The following CDH12 variants were observed in gnomAD, a reference collection of about 807,000 sequenced individuals.
CDH12 encodes the protein cadherin-12.
Under a neutral mutation model 74.1 loss-of-function variants are expected in CDH12, and 41 were observed. The ratio of observed to expected loss-of-function variants is 0.55; its 90% CI spans 0.43 to 0.72. The LOEUF is 0.72. Ranked by LOEUF, CDH12 falls within the 30% of genes least tolerant of loss-of-function variation. CDH12 has a pLI of 0.00. For missense variants in CDH12, 945 were observed against 977.2 expected (o/e 0.97, Z 0.44); for synonymous variants, 399 against 355.0 (o/e 1.12, Z -1.39).
rs577453208 is a variant in CDH12, at chr5:22,594,651, G to A, written c.-522-89287C>T. Among the ~76,000 whole-genome samples, 3 of 152,246 alleles carry A rather than the reference G, an allele frequency of 2.0e-5. No homozygotes were observed. The East Asian group carries it at 5.8e-4, about 29-fold the overall frequency. On this transcript the variant is annotated intron_variant, in intron 1 of 14. Transcript: ENST00000382254. Reference sequence around the variant, plus strand: ...CAAGTCTCTACAAACAGCTGAACTAGCGCAAGAAGTAGCTGAAATGAGCAT... The same window carrying A: ...CAAGTCTCTACAAACAGCTGAACTAACGCAAGAAGTAGCTGAAATGAGCAT...
At chr5:22,589,487 T>G (rs145565522) in intron 1 of CDH12, among the ~76,000 whole-genome samples, 94 of 152,348 alleles carry the variant, frequency 6.2e-4, no homozygotes, top group Middle Eastern at 3.4e-3. Context: ...TTTCCTTTTT[T>G]GTTGAGAATT....
chr5:21,872,195 A>G (rs1751660044), intron 6 of CDH12, among the ~76,000 whole-genome samples: 1 of 152,142 alleles, frequency 6.6e-6, no homozygotes, highest in Non-Finnish European at 1.5e-5. Context: ...CAGCACATCT[A>G]ATGCTGTGAC....
Position 22,762,499 on chromosome 5 carries a change from G to T in CDH12, c.-523+90559C>A, listed in dbSNP as rs548504727. Among the ~76,000 whole-genome samples, 13 of 152,100 alleles carry T rather than the reference G, an allele frequency of 8.5e-5. No homozygotes were observed. The East Asian group carries it at 2.5e-3, about 29-fold the overall frequency. On this transcript the variant is annotated intron_variant, in intron 1 of 14. Transcript: ENST00000382254. ...GGCAAGTAATTCATTTTGTGTTAAT[G>T]ATTCTTATTTCTTGAATGGGGCAGA...
chr5:22,551,251 G>A (rs1738553502), intron 1 of CDH12, among the ~76,000 whole-genome samples: 1 of 152,186 alleles, frequency 6.6e-6, no homozygotes, highest in African/African-American at 2.4e-5. Context: ...AGGTGGCCAT[G>A]TGTAAACCAG....
intron 5 of CDH12, among the ~76,000 whole-genome samples, chr5:22,018,285 C>A (rs952500187): frequency 1.3e-5 from 2 of 152,098 alleles, no homozygotes; most frequent in African/African-American, 4.8e-5. Context: ...CATATGGGAG[C>A]TTACCATAAA....
chr5:22,038,888 A>G (rs934026213), intron 5 of CDH12, among the ~76,000 whole-genome samples: 1 of 152,146 alleles, frequency 6.6e-6, no homozygotes, highest in Non-Finnish European at 1.5e-5. Context: ...GCCCTCCGAT[A>G]CAGGCCAAAT....
At chr5:22,636,929 C>A (rs1738872213) in intron 1 of CDH12, among the ~76,000 whole-genome samples, 1 of 152,110 alleles carries the variant, frequency 6.6e-6, no homozygotes, top group Non-Finnish European at 1.5e-5. Flanking sequence ...GTTGGATGAA[C>A]AGGTCAGTAA....
intron 1 of CDH12, among the ~76,000 whole-genome samples, chr5:22,751,228 G>A (rs2127034565): frequency 6.6e-6 from 1 of 150,808 alleles, no homozygotes; most frequent in Non-Finnish European, 1.5e-5. Context: ...ATTTAAGATG[G>A]GACTTATCGC....
rs199959108 is a variant in CDH12 at position 22,222,256 on chromosome 5, G to GA, written c.-332-9614dup. Among the ~76,000 whole-genome samples, 641 of 152,002 alleles carry GA rather than the reference G, an allele frequency of 4.2e-3. 6 individuals are homozygous for GA. Among genetic ancestry groups the GA allele is most frequent in the African/African-American group, 0.015 (620 of 41,512 alleles). On this transcript the variant is annotated intron_variant, in intron 3 of 14. Coordinates refer to ENST00000382254, the MANE Select transcript of CDH12 (RefSeq NM_004061.5). ...TTCCAGATGCTTCTGCTCTGCTTAG[G>GA]AATATGAAAAGCTATCACAATTTAC... is the stretch of plus-strand genomic sequence containing the variant.
chr5:22,687,200 A>C (rs1741849433), intron 1 of CDH12, among the ~76,000 whole-genome samples: 1 of 152,304 alleles, frequency 6.6e-6, no homozygotes, highest in East Asian at 1.9e-4. Flanking sequence ...AGGTTGAGGC[A>C]GGAAAATCGT....
intron 5 of CDH12, among the ~76,000 whole-genome samples, chr5:22,030,896 A>G (rs1256316394): frequency 6.6e-6 from 1 of 152,162 alleles, no homozygotes; most frequent in Non-Finnish European, 1.5e-5. Flanking sequence ...TTGCACTTTT[A>G]TGTGATGGCG....
chr5:22,328,737 GA>G (rs1479045666), intron 3 of CDH12, among the ~76,000 whole-genome samples: 1 of 152,088 alleles, frequency 6.6e-6, no homozygotes, highest in African/African-American at 2.4e-5. Context: ...AAAAGAAAGT[GA>G]AAAAATATAA....
chr5:22,072,059 A>G (rs1741974784), intron 5 of CDH12, among the ~76,000 whole-genome samples: 1 of 152,132 alleles, frequency 6.6e-6, no homozygotes, highest in African/African-American at 2.4e-5. Context: ...TACTTCCTAC[A>G]CAAGCCTATT....
chr5:21,754,271 A>C, intron 14 of CDH12, among the ~76,000 whole-genome samples: 1 of 152,142 alleles, frequency 6.6e-6, no homozygotes, highest in East Asian at 1.9e-4. Context: ...TCTTGACATT[A>C]GTGACTCCAT....
chr5:21,995,056 C>T (rs1200336342), intron 5 of CDH12, among the ~76,000 whole-genome samples: 1 of 152,126 alleles, frequency 6.6e-6, no homozygotes, highest in Non-Finnish European at 1.5e-5. Context: ...TGCCGCTTCA[C>T]ACCTGAAGTT....
intron 4 of CDH12, among the ~76,000 whole-genome samples, chr5:22,153,050 G>A (rs879495405): frequency 6.6e-6 from 1 of 152,092 alleles, no homozygotes; most frequent in Non-Finnish European, 1.5e-5. Flanking sequence ...GAGCTATTGA[G>A]GACGATGCTC....
At chr5:22,322,578 C>G (rs1738931493) in intron 3 of CDH12, among the ~76,000 whole-genome samples, 1 of 152,116 alleles carries the variant, frequency 6.6e-6, no homozygotes, top group South Asian at 2.1e-4. Flanking sequence ...TGCTCTGAGA[C>G]ACTCATACAC....
intron 4 of CDH12, among the ~76,000 whole-genome samples, chr5:22,108,148 G>C (rs1442757895): frequency 6.6e-6 from 1 of 152,092 alleles, no homozygotes; most frequent in Non-Finnish European, 1.5e-5. Flanking sequence ...TGAATCATAG[G>C]GGCAATTTCC....
intron 11 of CDH12, among the ~76,000 whole-genome samples, chr5:21,768,830 A>G (rs941918715): frequency 6.6e-6 from 1 of 152,058 alleles, no homozygotes; most frequent in Non-Finnish European, 1.5e-5. Context: ...CACAAAAGCC[A>G]AAATCACTGA....
Sources: allele counts gnomAD v4.1 joint callset (sites outside exome capture counted in the v4.1 genomes callset), GRCh38; gene constraint gnomAD v4.1.1; transcripts MANE v1.5; gene names NCBI Gene and HGNC (gene_info 2026-07-23, HGNC 2026-07-21).